The following ARHGEF3 variants were observed in gnomAD, a reference collection of about 807,000 sequenced individuals.
ARHGEF3 encodes Rho guanine nucleotide exchange factor 3.
ARHGEF3 carries 28 observed loss-of-function variants against 63.2 expected under a neutral mutation model. That is an observed-to-expected ratio of 0.44 (90% confidence interval 0.33 to 0.61). ARHGEF3 has a LOEUF of 0.61. ARHGEF3 is among the 20% of genes least tolerant of loss of function. ARHGEF3 has a pLI of 0.03. For missense variants in ARHGEF3, 533 were observed against 659.3 expected, an observed-to-expected ratio of 0.81 and a Z score of 2.10; for synonymous variants, 266 against 254.2, an observed-to-expected ratio of 1.05 and a Z score of -0.44.
At chr3:56,901,140 T>TG (rs1378119830) in intron 3 of ARHGEF3, among the ~76,000 whole-genome samples, 1 of 152,224 alleles carries the variant, frequency 6.6e-6, no homozygotes, top group Non-Finnish European at 1.5e-5. Context: ...GCAATGTTTT[T>TG]GAAACATAAG....
intron 4 of ARHGEF3, among the ~76,000 whole-genome samples, chr3:56,857,337 G>A (rs1299896426): frequency 6.6e-6 from 1 of 152,080 alleles, no homozygotes; most frequent in Non-Finnish European, 1.5e-5. Context: ...AATCTTCATG[G>A]CATTCCTCCT....
intron 3 of ARHGEF3, among the ~76,000 whole-genome samples, chr3:56,927,118 C>T (rs1165566180): frequency 2.0e-5 from 3 of 152,232 alleles, no homozygotes; most frequent in Admixed American, 1.3e-4. Context: ...TCACTTAATG[C>T]GTGACCCCTG....
chr3:56,892,930 T>C (rs189933056), intron 3 of ARHGEF3, among the ~76,000 whole-genome samples: 279 of 152,308 alleles, frequency 1.8e-3, no homozygotes, highest in Admixed American at 4.5e-3. Context: ...ATCACTGGTG[T>C]CTGGAACACC....
At chr3:56,872,773 G>C (rs2040472110) in intron 4 of ARHGEF3, among the ~76,000 whole-genome samples, 1 of 152,178 alleles carries the variant, frequency 6.6e-6, no homozygotes, top group South Asian at 2.1e-4. Flanking sequence ...CTCCTAACGT[G>C]TTGGGATTAT....
intron 1 of ARHGEF3, among the ~76,000 whole-genome samples, chr3:56,779,070 C>G (rs529950345): frequency 6.6e-5 from 10 of 152,268 alleles, no homozygotes; most frequent in Non-Finnish European, 1.3e-4. Flanking sequence ...ACCTAGTCAT[C>G]GTCAGGCTCC....
At chr3:56,900,043 G>C (rs189851250) in intron 3 of ARHGEF3, among the ~76,000 whole-genome samples, 1 of 152,300 alleles carries the variant, frequency 6.6e-6, no homozygotes, top group Admixed American at 6.5e-5. Context: ...GGAGGGGAGA[G>C]AGTGGAGGCT....
intron 8 of ARHGEF3, among the ~76,000 whole-genome samples, chr3:56,735,278 T>C (rs2033527219): frequency 6.6e-6 from 1 of 152,126 alleles, no homozygotes; most frequent in African/African-American, 2.4e-5. Context: ...AGTGAGACTG[T>C]CTCAAAAAAC....
intron 4 of ARHGEF3, among the ~76,000 whole-genome samples, chr3:56,812,371 T>C (rs888325217): frequency 4.6e-5 from 7 of 152,208 alleles, no homozygotes; most frequent in Non-Finnish European, 8.8e-5. Flanking sequence ...TCAGATATGA[T>C]AGAGCTTTCA....
intron 2 of ARHGEF3, among the ~76,000 whole-genome samples, chr3:56,998,521 A>G (rs80265401): frequency 0.022 from 3,383 of 151,890 alleles, 113 homozygotes; most frequent in African/African-American, 0.076. Flanking sequence ...GTCCAGAAAC[A>G]TGAATGGTGC....
chr3:57,008,991 G>C (rs1445033084), intron 2 of ARHGEF3, among the ~76,000 whole-genome samples: 2 of 152,192 alleles, frequency 1.3e-5, no homozygotes, highest in African/African-American at 2.4e-5. Flanking sequence ...ACATGATCTT[G>C]GGAAATTGGC....
At chr3:57,025,932 A>C (rs1213217407) in intron 2 of ARHGEF3, among the ~76,000 whole-genome samples, 1 of 152,184 alleles carries the variant, frequency 6.6e-6, no homozygotes, top group Non-Finnish European at 1.5e-5. Context: ...AAGCCCCAGA[A>C]GCACTCCTGG....
At chr3:56,915,490 TAAAG>T (rs1240422847) in intron 3 of ARHGEF3, among the ~76,000 whole-genome samples, 3 of 151,650 alleles carry the variant, frequency 2.0e-5, no homozygotes, top group Non-Finnish European at 4.4e-5. Context: ...AACAAACAAA[TAAAG>T]AACAGTTTTG....
rs570245084 is a variant in ARHGEF3 at position 56,747,743 on chromosome 3, G to A, written c.613-2281C>T. On this transcript the variant is annotated intron_variant, in intron 6 of 9. Transcript: ENST00000296315. Reference sequence around the variant, plus strand: ...GGAGGCTGAGTCACAAGAATCGCTTGAACCCAGAAGCCAAAGGTTGCAATG... The same window carrying A: ...GGAGGCTGAGTCACAAGAATCGCTTAAACCCAGAAGCCAAAGGTTGCAATG... Among the ~76,000 whole-genome samples, 9 of 152,284 alleles carry A rather than the reference G, an allele frequency of 5.9e-5. No homozygotes were observed. In the South Asian group the frequency reaches 1.7e-3, roughly 28 times the overall value.
At chr3:56,828,000 A>G (rs990438182) in intron 4 of ARHGEF3, among the ~76,000 whole-genome samples, 1 of 148,018 alleles carries the variant, frequency 6.8e-6, no homozygotes, top group African/African-American at 2.5e-5. Flanking sequence ...TCTTGCAGGT[A>G]CTACTCACAA....
chr3:57,048,395 T>A (rs75182021), intron 1 of ARHGEF3, among the ~76,000 whole-genome samples: 43 of 152,286 alleles, frequency 2.8e-4, no homozygotes, highest in African/African-American at 9.9e-4. Context: ...TCCAGCACGA[T>A]GAGACCTCTA....
intron 1 of ARHGEF3, among the ~76,000 whole-genome samples, chr3:57,043,351 G>A (rs1023427418): frequency 3.3e-5 from 5 of 151,914 alleles, no homozygotes; most frequent in Admixed American, 1.3e-4. Flanking sequence ...TCCTGACCTC[G>A]TGATCCTCCT....
At chr3:56,832,336 A>C (rs564175016) in intron 4 of ARHGEF3, among the ~76,000 whole-genome samples, 15 of 152,244 alleles carry the variant, frequency 9.9e-5, no homozygotes, top group Admixed American at 3.3e-4. Context: ...TTTAAAAAAT[A>C]TATGTAAGTA....
Position 56,882,342 on chromosome 3 carries a change from G to A in ARHGEF3, c.142C>T (p.Gln48Ter). The A allele has an allele frequency of 6.4e-7, 1 of 1,551,658 alleles. No individual in the cohort carries two copies. The change falls in exon 4 of 13, where the codon CAG becomes TAG. Residue 48 changes from glutamine (Q) to a stop codon, truncating the protein, a stop_gained. Coordinates refer to the ARHGEF3 transcript ENST00000338458. LOFTEE classifies it high-confidence loss of function. Reference sequence around the variant, plus strand: ...ACAGCATCTTCATCTTGGGTGCTCTGTTTCCGTTTTCGCTGCAAAACAAAC... The same window carrying A: ...ACAGCATCTTCATCTTGGGTGCTCTATTTCCGTTTTCGCTGCAAAACAAAC...
chr3:56,892,919 A>C (rs2041171521), intron 3 of ARHGEF3, among the ~76,000 whole-genome samples: 1 of 152,230 alleles, frequency 6.6e-6, no homozygotes, highest in South Asian at 2.1e-4. Flanking sequence ...GCTCCCTTTC[A>C]ATCACTGGTG....
Sources: allele counts gnomAD v4.1 joint callset (sites outside exome capture counted in the v4.1 genomes callset), GRCh38; gene constraint gnomAD v4.1.1; transcripts MANE v1.5; gene names NCBI Gene and HGNC (gene_info 2026-07-23, HGNC 2026-07-21).